ARHGEF18: variants seen among roughly 807,000 people sequenced by gnomAD.
ARHGEF18 encodes the protein rho guanine nucleotide exchange factor 18.
Under a neutral mutation model 155.7 loss-of-function variants are expected in ARHGEF18, and 93 were observed. That is an observed-to-expected ratio of 0.60 (90% confidence interval 0.50 to 0.71). ARHGEF18 has a LOEUF of 0.71. Among genes scored for constraint, ARHGEF18 ranks in the 30% least tolerant of loss-of-function variants. The pLI is 0.00. For missense variants in ARHGEF18, 1,593 were observed against 1,816.1 expected (o/e 0.88, Z 2.23); for synonymous variants, 742 against 753.1 (o/e 0.99, Z 0.24).
intron 10 of ARHGEF18, among the ~76,000 whole-genome samples, chr19:7,424,415 C>A (rs11673513): frequency 0.53 from 80,683 of 151,438 alleles, 21,806 homozygotes; most frequent in Middle Eastern, 0.74. Flanking sequence ...CAAGTCTAAA[C>A]ATCAGAAAGG....
Position 7,451,279 on chromosome 19 carries a change from C to T in ARHGEF18, c.1855+13C>T, listed in dbSNP as rs1361876969. The T allele has an allele frequency of 6.2e-7, 1 of 1,611,216 alleles. No homozygotes were observed. The highest frequency in any genetic ancestry group is 1.3e-5 in the African/African-American group (1 of 74,856). ...CAGAACACGGAAGGTAGGCCTTCTC[C>T]CCACTGCCCCGCCCGCCCGTGCTGC... On this transcript the variant is annotated intron_variant, in intron 16 of 28. Transcript: ENST00000668164.
chr19:7,466,568 C>T (rs1174736531), intron 23 of ARHGEF18, among the ~76,000 whole-genome samples: 3 of 149,778 alleles, frequency 2.0e-5, no homozygotes, highest in Admixed American at 1.3e-4. Context: ...TTTGGGAGGC[C>T]GAGGCGGGCG....
downstream of ARHGEF18, among the ~76,000 whole-genome samples, chr19:7,476,353 C>T (rs1977226673): frequency 6.6e-6 from 1 of 152,170 alleles, no homozygotes; most frequent in Admixed American, 6.5e-5. Flanking sequence ...ACATGAGGCC[C>T]AAGGGCGCAC....
At chr19:7,397,707 TG>T (rs1371544872) in intron 10 of ARHGEF18, among the ~76,000 whole-genome samples, 12 of 150,972 alleles carry the variant, frequency 7.9e-5, no homozygotes, top group Middle Eastern at 3.2e-3. Context: ...CACTCCAGCC[TG>T]GGCAACAGAA....
intron 23 of ARHGEF18, 99 bp from the exon 24 acceptor site, chr19:7,466,819 A>T (rs1976640860): frequency 9.1e-7 from 1 of 1,096,730 alleles, no homozygotes; most frequent in African/African-American, 1.8e-5. Context: ...AAAAAAAAAA[A>T]AAAAAAAGTT....
chr19:7,466,729 G>A (rs1372163164), intron 23 of ARHGEF18, among the ~76,000 whole-genome samples, 189 bp from the exon 24 acceptor site: 3 of 149,064 alleles, frequency 2.0e-5, no homozygotes, highest in African/African-American at 7.4e-5. Context: ...GCTTGAACCC[G>A]GGAGCTGGAG....
chr19:7,475,194 C>T (rs1465365504), downstream of ARHGEF18, among the ~76,000 whole-genome samples: 1 of 152,098 alleles, frequency 6.6e-6, no homozygotes, highest in East Asian at 1.9e-4. Context: ...ATCGCGCCAC[C>T]GCACTCCAGC....
rs186079821 is a variant in ARHGEF18 at position 7,459,912 on chromosome 19, C to T, written c.2370C>T (p.Asp790=). 33 of 1,578,086 alleles carry T rather than the reference C, an allele frequency of 2.1e-5. No homozygotes were observed. In the East Asian group the frequency reaches 4.0e-4, roughly 19 times the overall value. ...HIQRAVESCP[D]EEEGPFSLPE... ...ACTCCTCTCCCTGCAGCTGCCCTGA[C>T]GAGGAGGAGGGGCCCTTCAGCCTGC... The change falls in exon 20 of 29, where the codon GAC becomes GAT. Residue 790 remains aspartate (D), a synonymous_variant. Transcript: ENST00000668164.
chr19:7,466,032 C>T (rs976908869), intron 23 of ARHGEF18, among the ~76,000 whole-genome samples: 6 of 151,622 alleles, frequency 4.0e-5, no homozygotes, highest in Admixed American at 2.0e-4. Flanking sequence ...TGCAGTGAGC[C>T]GAGATTGCAC....
chr19:7,369,922 C>A (rs549275041), intron 2 of ARHGEF18, among the ~76,000 whole-genome samples: 13 of 151,764 alleles, frequency 8.6e-5, no homozygotes, highest in Non-Finnish European at 1.6e-4. Context: ...TTAGTTTGGG[C>A]GCAGCGGCTC....
intron 23 of ARHGEF18, 103 bp from the exon 24 acceptor site, chr19:7,466,815 A>AT: frequency 1.8e-6 from 2 of 1,094,456 alleles, no homozygotes; most frequent in African/African-American, 3.7e-5. Flanking sequence ...AAAAAAAAAA[A>AT]AAAAAAAAAA....
intron 7 of ARHGEF18, 51 bp from the exon 8 acceptor site, chr19:7,380,866 A>G (rs1010546403): frequency 1.7e-6 from 2 of 1,169,672 alleles, no homozygotes; most frequent in Non-Finnish European, 2.1e-6. Context: ...GGGGTAGGTG[A>G]GTGGGAGAAG....
chr19:7,437,634 G>A (rs1974343418), intron 10 of ARHGEF18, among the ~76,000 whole-genome samples: 1 of 84,440 alleles, frequency 1.2e-5, no homozygotes, highest in South Asian at 4.5e-4. Flanking sequence ...GGACAGATCA[G>A]ATTTCTTTTT....
intron 10 of ARHGEF18, among the ~76,000 whole-genome samples, chr19:7,438,414 T>C (rs1470430734): frequency 2.6e-5 from 4 of 151,182 alleles, no homozygotes; most frequent in Admixed American, 6.6e-5. Flanking sequence ...ATTTCTTTTT[T>C]TTTTTTTTAT....
chr19:7,459,428 C>T (rs981064275), intron 19 of ARHGEF18, among the ~76,000 whole-genome samples: 1 of 152,038 alleles, frequency 6.6e-6, no homozygotes, highest in African/African-American at 2.4e-5. Context: ...CTGTGTTGCC[C>T]AGGCTGGTCT....
intron 1 of ARHGEF18, among the ~76,000 whole-genome samples, chr19:7,355,965 G>A (rs921436505): frequency 3.9e-5 from 6 of 152,144 alleles, no homozygotes; most frequent in African/African-American, 9.7e-5. Flanking sequence ...AAGAAAGTCC[G>A]CCCTCTTAAC....
At chr19:7,390,700 T>C (rs1971355271) in intron 10 of ARHGEF18, 1 of 152,146 alleles carries the variant, frequency 6.6e-6, no homozygotes, top group Non-Finnish European at 1.5e-5. Flanking sequence ...ATTTAAATCA[T>C]AGACGCTTGC....
chr19:7,475,845 G>A (rs543947922), downstream of ARHGEF18, among the ~76,000 whole-genome samples: 1 of 152,338 alleles, frequency 6.6e-6, no homozygotes, highest in African/African-American at 2.4e-5. Flanking sequence ...GCTGCTAGGG[G>A]CTGGGAAGGA....
downstream of ARHGEF18, among the ~76,000 whole-genome samples, chr19:7,473,872 A>G (rs1039479876): frequency 5.9e-5 from 9 of 151,502 alleles, no homozygotes; most frequent in South Asian, 1.9e-3. Context: ...AATCCCAGCT[A>G]CACAGGAGGC....
Sources: allele counts gnomAD v4.1 joint callset (sites outside exome capture counted in the v4.1 genomes callset), GRCh38; gene constraint gnomAD v4.1.1; transcripts MANE v1.5; gene names NCBI Gene and HGNC (gene_info 2026-07-23, HGNC 2026-07-21).